Variants in LIG1 observed in about 807,000 individuals in gnomAD.
LIG1 encodes ligase I, DNA, ATP-dependent.
In LIG1, 70 loss-of-function variants were observed where a neutral mutation model predicts 115.7. The ratio of observed to expected loss-of-function variants is 0.60; its 90% CI spans 0.50 to 0.74. The LOEUF (loss-of-function observed/expected upper bound fraction) is 0.74, where lower values mean the gene tolerates loss of function less well. LIG1 is among the 30% of genes least tolerant of loss of function. LIG1 has a pLI of 0.00. For missense variants in LIG1, 1,115 were observed against 1,225.6 expected (o/e 0.91, Z 1.35); for synonymous variants, 487 against 495.3 (o/e 0.98, Z 0.22).
chr19:48,165,723 G>T, intron 1 of LIG1, 100 bp from the exon 2 acceptor site: 1 of 851,386 alleles, frequency 1.2e-6, no homozygotes. Context: ...AAAAAAAACA[G>T]AAACATGAAT....
At chr19:48,170,074 G>C (rs1306160137) in intron 1 of LIG1, 167 bp downstream of exon 1, 4 of 399,158 alleles carry the variant, frequency 1.0e-5, no homozygotes, top group African/African-American at 2.1e-5. Context: ...TGCACTCTCC[G>C]GCGGCCCGCA....
chr19:48,117,986 G>T, intron 25 of LIG1: 1 of 616,844 alleles, frequency 1.6e-6, no homozygotes, highest in Non-Finnish European at 2.8e-6. Context: ...AGTGAAAGAA[G>T]GGAAAAGAAA....
In LIG1 at chr19:48,121,234, C is replaced by T. The variant is rs201362120; in HGVS notation, c.2321G>A (p.Arg774Gln). Residue 774 changes from arginine to glutamine, a missense_variant, in exon 24 of 28, where the codon CGG becomes CAG. Physicochemically the swap from Arg to Gln is conservative, Grantham distance 43. Transcript: ENST00000263274. ...GGAGGCCAGCAGGAAGCCCCCGTAC[C>T]GGCCGGCCCGCTTCCCCCGGCCCAG... ...AYLGRGKRAG[R>Q]YGGFLLASYD... 233 of 1,613,864 alleles carry T rather than the reference C, an allele frequency of 1.4e-4. No individual in the cohort carries two copies. Among genetic ancestry groups the T allele is most frequent in the Non-Finnish European group, 1.8e-4 (215 of 1,179,992 alleles).
chr19:48,148,319 C>T (rs1198294017), intron 9 of LIG1, among the ~76,000 whole-genome samples: 1 of 152,012 alleles, frequency 6.6e-6, no homozygotes, highest in Admixed American at 6.6e-5. Flanking sequence ...ACTAAAAATA[C>T]AAAAATTAGC....
Position 48,165,561 on chromosome 19 carries a change from C to T in LIG1, c.6G>A (p.Gln2=). The change falls in exon 2 of 28, where the codon CAG becomes CAA. Residue 2 remains glutamine (Q), a synonymous_variant. Transcript: ENST00000263274. The part of the protein sequence containing the change: M[Q]RSIMSFFHPK... The stretch of plus-strand genomic sequence containing the variant: ...GGGAGGGTGCTCACATGATACTTCG[C>T]TGCATGTTGGCGTCAGAATTCTCCC... The T allele has an allele frequency of 6.2e-7, 1 of 1,613,202 alleles. No individual in the cohort carries two copies. Among genetic ancestry groups the T allele is most frequent in the Non-Finnish European group, 8.5e-7 (1 of 1,179,164 alleles).
At chr19:48,154,187 T>C in intron 5 of LIG1, 1 of 572,660 alleles carries the variant, frequency 1.7e-6, no homozygotes, top group Non-Finnish European at 3.2e-6. Flanking sequence ...TGTGCTTTGC[T>C]CTCTCACGAC....
At position 48,149,792 on chromosome 19, in the gene LIG1, C is replaced by A. The variant is rs751302107; in HGVS notation, c.747G>T (p.Gly249=). The change falls in exon 9 of 28, where the codon GGG becomes GGT. Residue 249 remains glycine (G), a synonymous_variant. Transcript: ENST00000263274. The part of the protein sequence containing the change: ...VKKEVKEEEP[G]APGKEGAAEG... The stretch of plus-strand genomic sequence containing the variant: ...CAGCAGCTCCCTCCTTTCCTGGAGC[C>A]CCTGGCTCCTCTTCCTTCACTTCTT... The A allele has an allele frequency of 1.2e-6, 2 of 1,614,030 alleles. No homozygotes were observed. The highest frequency in any genetic ancestry group is 1.3e-5 in the African/African-American group (1 of 74,924).
chr19:48,135,837 G>A (rs2034345477), intron 15 of LIG1, 58 bp from the exon 16 acceptor site: 3 of 1,451,932 alleles, frequency 2.1e-6, no homozygotes, highest in South Asian at 1.1e-5. Context: ...CTACACCAGG[G>A]TGCAGTGGGT....
At chr19:48,117,609 G>A (rs1385845567) in intron 26 of LIG1, 29 bp downstream of exon 26, 1 of 1,609,406 alleles carries the variant, frequency 6.2e-7, no homozygotes, top group Non-Finnish European at 8.5e-7. Context: ...ATCCCACACA[G>A]GGCCACGGCC....
chr19:48,136,160 C>G (rs2034377725), intron 14 of LIG1, 35 bp from the exon 15 acceptor site: 1 of 1,475,308 alleles, frequency 6.8e-7, no homozygotes, highest in Non-Finnish European at 9.3e-7. Flanking sequence ...GGGGGCTTGT[C>G]TGCACCTCCC....
At chr19:48,169,624 C>G (rs1049206107) in intron 1 of LIG1, 1 of 158,964 alleles carries the variant, frequency 6.3e-6, no homozygotes, top group Non-Finnish European at 1.4e-5. Flanking sequence ...CCTGACACCA[C>G]CCATCTCCCT....
chr19:48,144,722 T>C (rs957254847), intron 9 of LIG1, among the ~76,000 whole-genome samples: 1 of 152,182 alleles, frequency 6.6e-6, no homozygotes, highest in Non-Finnish European at 1.5e-5. Context: ...TAGGCTGATT[T>C]TGAACTCCTG....
intron 17 of LIG1, 42 bp downstream of exon 17, chr19:48,133,939 C>G: frequency 6.6e-7 from 1 of 1,506,734 alleles, no homozygotes; most frequent in Non-Finnish European, 9.0e-7. Flanking sequence ...CAGGAGGGAG[C>G]AGGGCTGCTG....
intron 6 of LIG1, among the ~76,000 whole-genome samples, chr19:48,153,637 A>AAC (rs36171813): frequency 0.089 from 5,233 of 58,728 alleles, 335 homozygotes; most frequent in Non-Finnish European, 0.11. Flanking sequence ...GCAGATCCAA[A>AAC]ACACACACAC....
intron 1 of LIG1, among the ~76,000 whole-genome samples, chr19:48,167,482 A>G (rs1433323573): frequency 6.6e-6 from 1 of 152,064 alleles, no homozygotes; most frequent in Non-Finnish European, 1.5e-5. Flanking sequence ...TACTCTCTAC[A>G]GCCTTGGCCG....
At chr19:48,135,978 G>T in intron 15 of LIG1, 56 bp downstream of exon 15, 1 of 1,414,534 alleles carries the variant, frequency 7.1e-7, no homozygotes, top group Non-Finnish European at 9.7e-7. Flanking sequence ...GAAGAGGAGG[G>T]GGGAAGCCTG....
At position 48,149,968 on chromosome 19, in the gene LIG1, G is replaced by A. The variant is rs866388380; in HGVS notation, c.697+120C>T. On this transcript the variant is annotated intron_variant, in intron 8 of 27. Transcript: ENST00000263274. ...GAGACAGGCTGGTAGAGACAAGGCC[G>A]ACTTTCCAACCAGCAGGAAAGGAAG... 86 of 1,569,358 alleles carry A rather than the reference G, an allele frequency of 5.5e-5. No individual in the cohort carries two copies. The Middle Eastern group carries it at 1.2e-3, about 21-fold the overall frequency.
chr19:48,130,489 G>A (rs1374747617), intron 19 of LIG1, among the ~76,000 whole-genome samples: 4 of 152,200 alleles, frequency 2.6e-5, no homozygotes, highest in Non-Finnish European at 4.4e-5. Flanking sequence ...CTATTTCTGA[G>A]GCTTGGGGCC....
Position 48,127,923 on chromosome 19 carries a change from G to T in LIG1, c.1919C>A (p.Thr640Asn). Residue 640 changes from threonine to asparagine, a missense_variant, in exon 20 of 28, where the codon ACC becomes AAC. Coordinates refer to ENST00000263274, the MANE Select transcript of LIG1 (RefSeq NM_000234.3). ...KQIQPFQVLT[T>N]RKRKEVDASE... ...GGGTGATGCTACCTTGCGTTTGCGG[G>T]TGGTGAGCACTTGGAATGGCTGGAT... The T allele has an allele frequency of 6.2e-7, 1 of 1,614,008 alleles. No homozygotes were observed. The highest frequency in any genetic ancestry group is 8.5e-7 in the Non-Finnish European group (1 of 1,179,894).
Sources: gnomAD v4.1 joint callset for allele counts (sites outside exome capture counted in the v4.1 genomes callset) on GRCh38, gnomAD v4.1.1 for gene constraint, MANE v1.5 for transcripts, NCBI Gene and HGNC (gene_info 2026-07-23, HGNC 2026-07-21) for gene names.